Variants in MOXD1 observed in about 807,000 individuals in gnomAD.
MOXD1 encodes monooxygenase DBH like 1.
A neutral mutation model predicts 66.6 loss-of-function variants in MOXD1; 62 were observed. The ratio of observed to expected loss-of-function variants is 0.93; its 90% CI spans 0.76 to 1.15. The LOEUF is 1.15. MOXD1 is among the 50% of genes most tolerant of loss of function. The pLI is 0.00. For synonymous variants in MOXD1, 303 were observed against 281.9 expected (o/e 1.07, Z -0.75); for missense variants, 847 against 754.6 (o/e 1.12, Z -1.44).
In MOXD1 at chr6:132,303,882, T is replaced by C. The variant is rs201184796; in HGVS notation, c.1509-5927A>G. On this transcript the variant is annotated intron_variant, in intron 10 of 11. Transcript: ENST00000367963. Reference sequence around the variant, plus strand: ...ATATATATATATATATATATATACATATATACATAAAACCTTAGGACAATT... The same window carrying C: ...ATATATATATATATATATATATACACATATACATAAAACCTTAGGACAATT... 3.7e-3 allele frequency among the ~76,000 whole-genome samples: 163 copies of C among 43,640 alleles called. 6 individuals are homozygous for C. In the East Asian group the frequency reaches 0.084, roughly 23 times the overall value. 28.6% of individuals were successfully genotyped at this position (43,640 alleles called of 152,430 possible).
At chr6:132,297,453 G>A (rs1438714096) in intron 11 of MOXD1, 136 bp from the exon 12 acceptor site, 9 of 889,474 alleles carry the variant, frequency 1.0e-5, no homozygotes, top group Non-Finnish European at 1.5e-5. Flanking sequence ...CACACTGGGG[G>A]AGTCAGAAAC....
chr6:132,386,589 T>C (rs1776651305), intron 1 of MOXD1, among the ~76,000 whole-genome samples: 1 of 151,430 alleles, frequency 6.6e-6, no homozygotes, highest in Admixed American at 6.6e-5. Flanking sequence ...GCTAATGTCT[T>C]CCCTTCCATT....
intron 1 of MOXD1, chr6:132,390,662 A>G (rs974215328): frequency 1.3e-5 from 2 of 151,610 alleles, no homozygotes; most frequent in Non-Finnish European, 3.0e-5. Context: ...TGAAACAGTC[A>G]TATGACAGCC....
chr6:132,344,826 T>C (rs973526955), intron 4 of MOXD1, among the ~76,000 whole-genome samples: 1 of 152,156 alleles, frequency 6.6e-6, no homozygotes, highest in African/African-American at 2.4e-5. Flanking sequence ...TTTGGGTAAA[T>C]AGGCTGCCCA....
At position 132,297,894 on chromosome 6, in the gene MOXD1, T is replaced by C. The variant is rs772028844; in HGVS notation, c.1570A>G (p.Met524Val). ...QYKNLSFMDA[M>V]NKFKWTKKEG... The stretch of plus-strand genomic sequence containing the variant: ...TTTTTAGTCCATTTAAACTTATTCA[T>C]AGCATCCATGAAAGAAAGGTTTTTA... The change falls in exon 11 of 12, where the codon ATG (methionine) becomes GTG (valine). Residue 524 changes from methionine to valine, a missense_variant. Coordinates refer to ENST00000367963, the MANE Select transcript of MOXD1 (RefSeq NM_015529.4). The C allele has an allele frequency of 6.2e-7, 1 of 1,613,234 alleles. No individual in the cohort carries two copies. Among genetic ancestry groups the C allele is most frequent in the Non-Finnish European group, 8.5e-7 (1 of 1,179,634 alleles).
intron 4 of MOXD1, among the ~76,000 whole-genome samples, chr6:132,360,766 T>C (rs1452926788): frequency 6.6e-6 from 1 of 152,218 alleles, no homozygotes; most frequent in Non-Finnish European, 1.5e-5. Flanking sequence ...ATACAAGACA[T>C]AGCACTGAAT....
At chr6:132,300,424 A>T (rs1381851272) in intron 10 of MOXD1, among the ~76,000 whole-genome samples, 1 of 152,198 alleles carries the variant, frequency 6.6e-6, no homozygotes, top group East Asian at 1.9e-4. Flanking sequence ...TTACTTTTCA[A>T]AAAGATAAAA....
intron 6 of MOXD1, among the ~76,000 whole-genome samples, chr6:132,325,541 C>G (rs891033304): frequency 2.6e-5 from 4 of 152,140 alleles, no homozygotes; most frequent in Non-Finnish European, 5.9e-5. Context: ...TGTTATGACC[C>G]GTAAGAAGGC....
At chr6:132,392,046 A>G (rs1776776485) in intron 1 of MOXD1, 1 of 781,446 alleles carries the variant, frequency 1.3e-6, no homozygotes, top group African/African-American at 1.8e-5. Context: ...GCACCAGCTG[A>G]GCTGTGTCAG....
chr6:132,365,313 G>A (rs768672827), intron 4 of MOXD1, among the ~76,000 whole-genome samples: 2 of 152,052 alleles, frequency 1.3e-5, no homozygotes, highest in Non-Finnish European at 2.9e-5. Context: ...GTCCATGCTC[G>A]AGGTGCTAAA....
intron 1 of MOXD1, among the ~76,000 whole-genome samples, chr6:132,393,069 C>G (rs1262236084): frequency 1.3e-5 from 2 of 152,024 alleles, no homozygotes; most frequent in African/African-American, 4.8e-5. Flanking sequence ...TTTCAGAAGT[C>G]TTTTTCTAGG....
chr6:132,374,548 CTTGT>C, intron 2 of MOXD1, 79 bp downstream of exon 2: 1 of 1,180,552 alleles, frequency 8.5e-7, no homozygotes, highest in East Asian at 2.7e-5. Flanking sequence ...GACTATATGA[CTTGT>C]TTCTCTTATT....
intron 4 of MOXD1, among the ~76,000 whole-genome samples, chr6:132,354,303 C>T (rs144869630): frequency 3.1e-4 from 47 of 152,260 alleles, no homozygotes; most frequent in African/African-American, 6.5e-4. Flanking sequence ...GAAAAGTCTA[C>T]GGGTGAAGGC....
At chr6:132,349,036 T>G (rs1264979162) in intron 4 of MOXD1, among the ~76,000 whole-genome samples, 1 of 151,980 alleles carries the variant, frequency 6.6e-6, no homozygotes, top group Non-Finnish European at 1.5e-5. Context: ...GTTACATAAG[T>G]AAGTTCTTTG....
intron 10 of MOXD1, among the ~76,000 whole-genome samples, chr6:132,304,523 A>C (rs1214897279): frequency 6.6e-6 from 1 of 152,180 alleles, no homozygotes; most frequent in Non-Finnish European, 1.5e-5. Flanking sequence ...CTGCCATGCA[A>C]CTGGGACATG....
In MOXD1 at chr6:132,371,682, T is replaced by C. The variant is rs578244550; in HGVS notation, c.663+926A>G. Among the ~76,000 whole-genome samples the C allele has an allele frequency of 1.8e-3, 267 of 152,234 alleles. 4 individuals are homozygous for C. The South Asian group carries it at 0.026, about 15-fold the overall frequency. On this transcript the variant is annotated intron_variant, in intron 4 of 11. Transcript: ENST00000367963. ...GGCTACAGCATTACCCCAGAGTGAC[T>C]TACCTGAGAGCACATAGTTTAATTA...
chr6:132,386,193 G>A (rs978847430), intron 1 of MOXD1, among the ~76,000 whole-genome samples: 2 of 145,178 alleles, frequency 1.4e-5, no homozygotes, highest in South Asian at 2.1e-4. Context: ...ACGAGGTCAG[G>A]AAATCAAGAC....
In MOXD1 at chr6:132,332,210, G is replaced by C. The variant is rs77387728; in HGVS notation, c.664-3616C>G. ...GAATTAAACTGTAATCTGACCTTCAGATTACAGATTGAGGGTGCAGCCTAA... is the reference window on the plus strand; with the variant it reads ...GAATTAAACTGTAATCTGACCTTCACATTACAGATTGAGGGTGCAGCCTAA... On this transcript the variant is annotated intron_variant, in intron 4 of 11. Coordinates refer to ENST00000367963, the MANE Select transcript of MOXD1 (RefSeq NM_015529.4). Among the ~76,000 whole-genome samples, 1,348 of 152,258 alleles carry C rather than the reference G, an allele frequency of 8.9e-3. 22 individuals carry two copies. The highest frequency in any genetic ancestry group is 0.031 in the African/African-American group (1,276 of 41,552).
intron 10 of MOXD1, among the ~76,000 whole-genome samples, chr6:132,300,814 C>A (rs141351830): frequency 6.6e-6 from 1 of 152,114 alleles, no homozygotes; most frequent in East Asian, 1.9e-4. Context: ...GGTCATCAAC[C>A]TTTCTGAGAT....
Sources: allele counts gnomAD v4.1 joint callset (sites outside exome capture counted in the v4.1 genomes callset), GRCh38; gene constraint gnomAD v4.1.1; transcripts MANE v1.5; gene names NCBI Gene and HGNC (gene_info 2026-07-23, HGNC 2026-07-21).